Variants in ITLN2 observed in about 807,000 individuals in gnomAD.
The protein encoded by ITLN2 is intelectin 2.
In ITLN2, 29 loss-of-function variants were observed where a neutral mutation model predicts 39.4. The observed-to-expected ratio is 0.74, with a 90% confidence interval of 0.55 to 1.00. ITLN2 has a LOEUF of 1.00. Among genes scored for constraint, ITLN2 ranks in the 50% least tolerant of loss-of-function variants. The pLI, the probability that ITLN2 is intolerant of heterozygous loss-of-function variation, is 0.00. For synonymous variants in ITLN2, 156 were observed against 153.4 expected (o/e 1.02, Z -0.12); for missense variants, 412 against 416.7 (o/e 0.99, Z 0.10).
At position 160,950,049 on chromosome 1, in the gene ITLN2, G is replaced by C; in HGVS notation, c.718C>G (p.Gln240Glu). Residue 240 changes from glutamine (Q) to glutamate (E), a missense_variant, in exon 6 of 8, where the codon CAA becomes GAA. Gln to Glu is a conservative substitution (Grantham distance 29). Coordinates refer to ENST00000368029, the MANE Select transcript of ITLN2 (RefSeq NM_080878.3). Reference sequence around the variant, plus strand: ...GACTTAGGGAGCAAACACTCACGTTGACCATACGGTGAGTAATAAGATGCA... The same window carrying C: ...GACTTAGGGAGCAAACACTCACGTTCACCATACGGTGAGTAATAAGATGCA... ...KTASYYSPYG[Q>E]REFVAGFVQF... is the part of the protein sequence containing the mutation. 1 of 1,613,402 alleles carries C rather than the reference G, an allele frequency of 6.2e-7. No homozygotes were observed. The highest frequency in any genetic ancestry group is 8.5e-7 in the Non-Finnish European group (1 of 1,179,474).
chr1:160,952,284 G>C (rs2101940626), intron 3 of ITLN2, among the ~76,000 whole-genome samples: 1 of 152,308 alleles, frequency 6.6e-6, no homozygotes, highest in Admixed American at 6.5e-5. Flanking sequence ...TGCTATTTCT[G>C]TGATTAATAA....
intron 6 of ITLN2, chr1:160,949,745 TC>T (rs1193871762): frequency 3.6e-6 from 1 of 274,538 alleles, no homozygotes; most frequent in African/African-American, 2.2e-5. Context: ...TCTACTTCTT[TC>T]TACATAGACA....
chr1:160,950,044 A>T lies in ITLN2; in HGVS notation c.721+2T>A. ...GACTGGACTTAGGGAGCAAACACTC[A>T]CGTTGACCATACGGTGAGTAATAAG... On this transcript the variant is annotated splice_donor_variant, in intron 6 of 7. Transcript: ENST00000368029. LOFTEE classifies it high-confidence loss of function. 4 of 1,613,350 alleles carry T rather than the reference A, an allele frequency of 2.5e-6. No homozygotes were observed. The highest frequency in any genetic ancestry group is 1.3e-5 in the African/African-American group (1 of 75,022).
chr1:160,951,505 A>G (rs1671745430), intron 3 of ITLN2: 1 of 600,268 alleles, frequency 1.7e-6, no homozygotes, highest in Non-Finnish European at 2.8e-6. Flanking sequence ...AAGAGTTTGT[A>G]GAGCAAATAG....
rs558228489 is a variant in ITLN2, at chr1:160,953,841, C to T, written c.79+546G>A. Among the ~76,000 whole-genome samples the T allele has an allele frequency of 3.7e-4, 57 of 152,216 alleles. 1 individual carries two copies. The highest frequency in any genetic ancestry group is 1.3e-3 in the African/African-American group (52 of 41,536). ...AGATGTCATTAATAACTTCTTTATA[C>T]GCATGGAGATCAAATGAGATGACAT... is the stretch of plus-strand genomic sequence containing the variant. On this transcript the variant is annotated intron_variant, in intron 2 of 7. Coordinates refer to ENST00000368029, the MANE Select transcript of ITLN2 (RefSeq NM_080878.3).
chr1:160,948,342 G>C (rs1483222267), intron 6 of ITLN2, among the ~76,000 whole-genome samples: 1 of 152,218 alleles, frequency 6.6e-6, no homozygotes, highest in Non-Finnish European at 1.5e-5. Flanking sequence ...AAAGATCTGA[G>C]AAGGCCCAGC....
intron 6 of ITLN2, 55 bp from the exon 7 acceptor site, chr1:160,948,087 A>G: frequency 6.9e-7 from 1 of 1,439,588 alleles, no homozygotes; most frequent in Admixed American, 1.7e-5. Flanking sequence ...AACTAGAAGC[A>G]GCATCCCATT....
intron 7 of ITLN2, among the ~76,000 whole-genome samples, chr1:160,947,646 G>A (rs907042884): frequency 1.3e-5 from 2 of 152,190 alleles, no homozygotes; most frequent in Non-Finnish European, 2.9e-5. Context: ...GGAGAATGGC[G>A]ATGACTTTTA....
At chr1:160,945,764 G>A (rs1671587211) in intron 7 of ITLN2, among the ~76,000 whole-genome samples, 1 of 152,156 alleles carries the variant, frequency 6.6e-6, no homozygotes, top group Admixed American at 6.6e-5. Context: ...CCTTGTTCTT[G>A]ATGGCTCTGA....
At chr1:160,954,641 T>A (rs1671822896) in intron 1 of ITLN2, 86 bp downstream of exon 1, 5 of 1,527,034 alleles carry the variant, frequency 3.3e-6, no homozygotes, top group Non-Finnish European at 4.5e-6. Context: ...CATGGGCTCA[T>A]TTCCCTGAAA....
At chr1:160,950,843 C>G (rs1043489942) in intron 4 of ITLN2, 132 bp from the exon 5 acceptor site, 34 of 1,464,848 alleles carry the variant, frequency 2.3e-5, no homozygotes, top group Non-Finnish European at 3.1e-5. Flanking sequence ...TCAGACACCC[C>G]ACTCCCAGCT....
chr1:160,954,290 T>C, intron 2 of ITLN2, 97 bp downstream of exon 2: 1 of 965,026 alleles, frequency 1.0e-6, no homozygotes, highest in South Asian at 1.6e-5. Flanking sequence ...CCTTTGACCC[T>C]TGACTTCAGA....
chr1:160,947,283 G>A (rs1671627285), intron 7 of ITLN2, among the ~76,000 whole-genome samples: 1 of 152,218 alleles, frequency 6.6e-6, no homozygotes, highest in South Asian at 2.1e-4. Flanking sequence ...TATCAGAGCA[G>A]TATTGCTGCC....
At chr1:160,949,449 C>T (rs1189724084) in intron 6 of ITLN2, 1 of 153,856 alleles carries the variant, frequency 6.5e-6, no homozygotes, top group African/African-American at 2.4e-5. Flanking sequence ...TGGGGAGAAA[C>T]CTTGGACAAT....
At position 160,950,079 on chromosome 1, in the gene ITLN2, TC is replaced by T; in HGVS notation, c.687del (p.Lys230ArgfsTer37). 2 of 1,613,962 alleles carry T rather than the reference TC, an allele frequency of 1.2e-6. No homozygotes were observed. Among genetic ancestry groups the T allele is most frequent in the Non-Finnish European group, 1.7e-6 (2 of 1,179,858 alleles). On this transcript the variant is annotated frameshift_variant, in exon 6 of 8. Transcript: ENST00000368029. LOFTEE classifies it high-confidence loss of function. ...TACGGTGAGTAATAAGATGCAGTCT[TC>T]TTAGCATCACCAAAGTCATAGACCA... ...IPVVYDFGDA[K>X]KTASYYSPYG...
intron 7 of ITLN2, 98 bp downstream of exon 7, chr1:160,947,831 G>A: frequency 2.4e-6 from 2 of 826,092 alleles, no homozygotes; most frequent in Non-Finnish European, 4.0e-6. Flanking sequence ...GATTAAAATG[G>A]AGTTTCTTAT....
Position 160,950,548 on chromosome 1 carries a change from T to A in ITLN2, c.600+5A>T. 6.2e-7 allele frequency: 1 copy of A among 1,613,328 alleles called. No individual in the cohort carries two copies. Among genetic ancestry groups the A allele is most frequent in the Non-Finnish European group, 8.5e-7 (1 of 1,179,488 alleles). On this transcript the variant is annotated splice_donor_5th_base_variant and intron_variant, in intron 5 of 7. Transcript: ENST00000368029. ...AAGTGCCCCCCAGCCAGCAGCCCTG[T>A]GTACCTGGTAGATGCCAAACAGATT... is the stretch of plus-strand genomic sequence containing the variant.
intron 6 of ITLN2, 124 bp from the exon 7 acceptor site, chr1:160,948,156 G>A: frequency 1.4e-6 from 1 of 718,744 alleles, no homozygotes; most frequent in Non-Finnish European, 2.4e-6. Flanking sequence ...ACCCCAGGCT[G>A]TAGGGGTGCA....
intron 3 of ITLN2, chr1:160,951,559 CCCTGT>C: frequency 4.9e-6 from 2 of 405,618 alleles, no homozygotes; most frequent in South Asian, 4.3e-5. Flanking sequence ...GACAGTGCCA[CCCTGT>C]GGCCAGGAGA....
Sources: gnomAD v4.1 joint callset for allele counts (sites outside exome capture counted in the v4.1 genomes callset) on GRCh38, gnomAD v4.1.1 for gene constraint, MANE v1.5 for transcripts, NCBI Gene and HGNC (gene_info 2026-07-23, HGNC 2026-07-21) for gene names.